The following MLIP variants were observed in gnomAD, a reference collection of about 807,000 sequenced individuals.
MLIP encodes muscular LMNA interacting protein.
Under a neutral mutation model 84.8 loss-of-function variants are expected in MLIP, and 79 were observed. The observed-to-expected ratio is 0.93, with a 90% CI of 0.78 to 1.12. MLIP has a LOEUF of 1.12. Among genes scored for constraint, MLIP ranks in the 50% most tolerant of loss-of-function variants. MLIP has a pLI of 0.00. For missense variants in MLIP, 1,257 were observed against 1,160.6 expected (o/e 1.08, Z -1.21); for synonymous variants, 504 against 463.0 (o/e 1.09, Z -1.14).
At chr6:54,133,537 A>G (rs565018842) in intron 3 of MLIP, among the ~76,000 whole-genome samples, 109 of 152,338 alleles carry the variant, frequency 7.2e-4, no homozygotes, top group African/African-American at 2.5e-3. Context: ...AAAGTATTCA[A>G]GATACTAGGT....
intron 5 of MLIP, 137 bp downstream of exon 5, chr6:54,149,264 T>A: frequency 1.3e-6 from 1 of 766,472 alleles, no homozygotes. Context: ...TAGTTTAGGA[T>A]GATGTGGTGA....
intron 10 of MLIP, among the ~76,000 whole-genome samples, chr6:54,195,810 C>T (rs1449673748): frequency 6.6e-6 from 1 of 152,114 alleles, no homozygotes; most frequent in East Asian, 1.9e-4. Context: ...TTCTCCTCCC[C>T]ACTCTCCACT....
chr6:54,216,518 C>T, intron 11 of MLIP: 3 of 985,378 alleles, frequency 3.0e-6, no homozygotes, highest in Non-Finnish European at 3.6e-6. Context: ...GCCATCTGTT[C>T]TGTGAAACTT....
At chr6:54,044,667 T>C (rs1264031462) in intron 1 of MLIP, among the ~76,000 whole-genome samples, 1 of 152,128 alleles carries the variant, frequency 6.6e-6, no homozygotes, top group Non-Finnish European at 1.5e-5. Context: ...GTCACCTTAT[T>C]TCAAAAGAAG....
intron 1 of MLIP, among the ~76,000 whole-genome samples, chr6:54,087,635 A>T (rs1180597083): frequency 2.0e-5 from 3 of 152,016 alleles, no homozygotes; most frequent in Non-Finnish European, 4.4e-5. Context: ...CTGCCCTCAC[A>T]TGTGTGAGGG....
intron 1 of MLIP, among the ~76,000 whole-genome samples, chr6:54,042,633 G>A (rs557615824): frequency 5.9e-5 from 9 of 152,142 alleles, no homozygotes; most frequent in East Asian, 1.9e-4. Flanking sequence ...TAAGCATGTT[G>A]AGGAAACAAA....
rs151299090 is a variant in MLIP, at chr6:54,071,336, AAAC to A, written c.64-50108_64-50106del. On this transcript the variant is annotated intron_variant, in intron 1 of 12. Coordinates refer to the MLIP transcript ENST00000274897. The stretch of plus-strand genomic sequence containing the variant: ...CAAAGTTATCTTCAAAAAGAAAAAA[AAAC>A]AAAGTTATCTTCATAGGCTATATTC... 1.3e-3 allele frequency among the ~76,000 whole-genome samples: 201 copies of A among 152,270 alleles called. 1 individual carries two copies. The East Asian group carries it at 0.025, about 19-fold the overall frequency.
At chr6:54,259,797 T>C (rs1783263902) in intron 13 of MLIP, among the ~76,000 whole-genome samples, 1 of 151,924 alleles carries the variant, frequency 6.6e-6, no homozygotes, top group Non-Finnish European at 1.5e-5. Context: ...TACTTCTTAG[T>C]AATATTGGCA....
At chr6:54,247,144 C>CA (rs1340264928) in intron 12 of MLIP, among the ~76,000 whole-genome samples, 3 of 152,078 alleles carry the variant, frequency 2.0e-5, no homozygotes, top group African/African-American at 4.8e-5. Context: ...TTTGAATGAA[C>CA]TTTTAACAGT....
chr6:54,041,995 A>AT, intron 1 of MLIP, among the ~76,000 whole-genome samples: 1 of 151,992 alleles, frequency 6.6e-6, no homozygotes. Flanking sequence ...AGAAGTTAGC[A>AT]TTTTTCCCTG....
chr6:54,226,924 T>A (rs552594611), intron 11 of MLIP, among the ~76,000 whole-genome samples: 1 of 152,306 alleles, frequency 6.6e-6, no homozygotes, highest in Non-Finnish European at 1.5e-5. Context: ...AACCTCTCTA[T>A]GCTAGGTCAC....
intron 1 of MLIP, among the ~76,000 whole-genome samples, chr6:54,021,462 A>G (rs964934951): frequency 2.0e-5 from 3 of 152,198 alleles, no homozygotes; most frequent in Non-Finnish European, 4.4e-5. Context: ...TTTCTAAGGT[A>G]AGATCTATAG....
At chr6:54,209,969 T>C (rs1335442446) in intron 11 of MLIP, among the ~76,000 whole-genome samples, 1 of 151,888 alleles carries the variant, frequency 6.6e-6, no homozygotes, top group African/African-American at 2.4e-5. Context: ...CATTCATCTG[T>C]GTGAAAGCCT....
intron 1 of MLIP, among the ~76,000 whole-genome samples, chr6:54,115,317 C>A (rs1006616012): frequency 2.0e-5 from 3 of 151,954 alleles, no homozygotes; most frequent in African/African-American, 7.3e-5. Flanking sequence ...GAGGGGTATC[C>A]AAAAGAGTAA....
intron 12 of MLIP, among the ~76,000 whole-genome samples, chr6:54,243,605 A>G (rs1267456071): frequency 6.6e-6 from 1 of 152,222 alleles, no homozygotes; most frequent in Non-Finnish European, 1.5e-5. Flanking sequence ...TTTCTTTTAC[A>G]TATGAAGAAA....
intron 11 of MLIP, chr6:54,215,297 C>T: frequency 6.9e-7 from 1 of 1,448,308 alleles, no homozygotes; most frequent in South Asian, 1.5e-5. Context: ...AATTCAATGG[C>T]AAGAACATGG....
chr6:54,155,695 T>A lies in MLIP; in HGVS notation c.2290-4672T>A, dbSNP rs1441413816. Among the ~76,000 whole-genome samples, 4 of 152,140 alleles carry A rather than the reference T, an allele frequency of 2.6e-5. No homozygotes were observed. In the South Asian group the frequency reaches 6.2e-4, roughly 24 times the overall value. ...TACCCATTACAGTTTATTGGCATACTTTTACACAAGGACTTTGATTTGCAA... is the reference window on the plus strand; with the variant it reads ...TACCCATTACAGTTTATTGGCATACATTTACACAAGGACTTTGATTTGCAA... On this transcript the variant is annotated intron_variant, in intron 5 of 13. Transcript: ENST00000502396.
chr6:54,201,645 C>G (rs960517592), intron 10 of MLIP, among the ~76,000 whole-genome samples: 2 of 152,206 alleles, frequency 1.3e-5, no homozygotes, highest in African/African-American at 4.8e-5. Flanking sequence ...ATAATATGAA[C>G]ATGGCATCTG....
At chr6:54,227,557 A>G (rs1780663478) in intron 11 of MLIP, among the ~76,000 whole-genome samples, 2 of 152,226 alleles carry the variant, frequency 1.3e-5, no homozygotes, top group Non-Finnish European at 2.9e-5. Context: ...CAGATTATTG[A>G]GGACAAAAAG....
Sources: gnomAD v4.1 joint callset for allele counts (sites outside exome capture counted in the v4.1 genomes callset) on GRCh38, gnomAD v4.1.1 for gene constraint, MANE v1.5 for transcripts, NCBI Gene and HGNC (gene_info 2026-07-23, HGNC 2026-07-21) for gene names.